The following UTP20 variants were observed in gnomAD, a reference collection of about 807,000 sequenced individuals.
UTP20 encodes the protein small subunit processome component 20 homolog.
In UTP20, 164 loss-of-function variants were observed where a neutral mutation model predicts 329.5. The observed-to-expected ratio is 0.50, with a 90% CI of 0.44 to 0.57. UTP20 has a LOEUF of 0.57. Ranked by LOEUF, UTP20 falls within the 20% of genes least tolerant of loss-of-function variation. The pLI is 0.00. For missense variants in UTP20, 3,055 were observed against 3,284.2 expected (o/e 0.93, Z 1.71); for synonymous variants, 1,151 against 1,159.3 (o/e 0.99, Z 0.14).
chr12:101,320,833 T>C lies in UTP20; in HGVS notation c.2830-19T>C, dbSNP rs1463608967. On this transcript the variant is annotated intron_variant, in intron 23 of 61. Transcript: ENST00000261637. ...TATGTATATATGACTTCATTAATTC[T>C]GTAAAATACTGTTCTTAGTTGTTGC... 6.3e-7 allele frequency: 1 copy of C among 1,595,282 alleles called. No homozygotes were observed. The highest frequency in any genetic ancestry group is 1.2e-5 in the South Asian group (1 of 86,864).
chr12:101,346,832 A>C (rs986031311), intron 38 of UTP20, among the ~76,000 whole-genome samples: 2 of 152,194 alleles, frequency 1.3e-5, no homozygotes, highest in South Asian at 2.1e-4. Context: ...TTCCTCCTAG[A>C]AATTATCCCA....
Position 101,327,165 on chromosome 12 carries a change from G to C in UTP20, c.3126G>C (p.Leu1042=), listed in dbSNP as rs1414643344. ...SASGTRMAIV[L]RFLAGTQPEE... is the part of the protein sequence containing the mutation. ...CAGGCACCCGCATGGCCATTGTCCT[G>C]CGGTTCCTGGCCGGGACCCAACCTG... Residue 1042 remains leucine (L), a synonymous_variant, in exon 26 of 62, where the codon CTG becomes CTC. Coordinates refer to ENST00000261637, the MANE Select transcript of UTP20 (RefSeq NM_014503.3). The C allele has an allele frequency of 8.1e-6, 13 of 1,613,212 alleles. No individual in the cohort carries two copies. The highest frequency in any genetic ancestry group is 1.0e-5 in the Non-Finnish European group (12 of 1,179,220).
chr12:101,379,944 C>T (rs1259881839), intron 57 of UTP20, among the ~76,000 whole-genome samples: 1 of 151,996 alleles, frequency 6.6e-6, no homozygotes, highest in East Asian at 1.9e-4. Flanking sequence ...CTCAGCCTCC[C>T]GGGTACCTGG....
chr12:101,330,937 T>G (rs999371179), intron 27 of UTP20, among the ~76,000 whole-genome samples: 1 of 152,242 alleles, frequency 6.6e-6, no homozygotes, highest in Admixed American at 6.5e-5. Context: ...TGCACAGTAG[T>G]TTTGCTTAAG....
At chr12:101,293,916 A>G (rs963379740) in intron 11 of UTP20, among the ~76,000 whole-genome samples, 1 of 152,040 alleles carries the variant, frequency 6.6e-6, no homozygotes, top group African/African-American at 2.4e-5. Flanking sequence ...TTATCCAAAT[A>G]CTGCTTACAC....
chr12:101,354,888 G>A lies in UTP20; in HGVS notation c.5164G>A (p.Asp1722Asn), dbSNP rs1869664790. Reference protein sequence around the residue: ...EPEAMELERVDEEEKEYTCKS... With the variant: ...EPEAMELERVNEEEKEYTCKS... ...TGAGGCCATGGAATTAGAGCGTGTG[G>A]ATGAGGAAGAGAAGGAATATACATG... Residue 1722 changes from aspartate (D) to asparagine (N), a missense_variant, in exon 41 of 62, where the codon GAT becomes AAT. By Grantham distance (23) the Asp-to-Asn change is conservative. Coordinates refer to ENST00000261637, the MANE Select transcript of UTP20 (RefSeq NM_014503.3). The A allele has an allele frequency of 6.2e-7, 1 of 1,614,206 alleles. No homozygotes were observed. The highest frequency in any genetic ancestry group is 8.5e-7 in the Non-Finnish European group (1 of 1,180,042).
At chr12:101,368,377 C>T (rs556781743) in intron 48 of UTP20, among the ~76,000 whole-genome samples, 1 of 152,178 alleles carries the variant, frequency 6.6e-6, no homozygotes, top group Non-Finnish European at 1.5e-5. Flanking sequence ...AGATGATCCA[C>T]CCTCCTTGGC....
chr12:101,352,393 A>T (rs1869559029), intron 39 of UTP20, among the ~76,000 whole-genome samples, 199 bp downstream of exon 39: 1 of 152,162 alleles, frequency 6.6e-6, no homozygotes, highest in South Asian at 2.1e-4. Flanking sequence ...AGCATGATTT[A>T]TAGTCCTTTG....
Position 101,354,821 on chromosome 12 carries a change from A to T in UTP20, c.5108-11A>T. ...TGCTTTAAGGTGACTTTTGTTGTTT[A>T]TTAAACATAGACGCAATTGAAGCAA... On this transcript the variant is annotated splice_polypyrimidine_tract_variant and intron_variant, in intron 40 of 61. Coordinates refer to ENST00000261637, the MANE Select transcript of UTP20 (RefSeq NM_014503.3). The T allele has an allele frequency of 1.2e-6, 2 of 1,608,022 alleles. No homozygotes were observed. Among genetic ancestry groups the T allele is most frequent in the Non-Finnish European group, 1.7e-6 (2 of 1,177,040 alleles).
chr12:101,293,323 A>G (rs1461238086), intron 11 of UTP20, 78 bp downstream of exon 11: 1 of 1,369,822 alleles, frequency 7.3e-7, no homozygotes, highest in East Asian at 2.3e-5. Flanking sequence ...AAATCCTGTT[A>G]TTTCTGTTTG....
chr12:101,340,483 T>G, intron 31 of UTP20, 40 bp from the exon 32 acceptor site: 2 of 1,264,286 alleles, frequency 1.6e-6, no homozygotes, highest in Non-Finnish European at 2.3e-6. Context: ...AGAAATATCC[T>G]TGTATATGTT....
chr12:101,349,360 C>T (rs372210335), intron 38 of UTP20, among the ~76,000 whole-genome samples: 1 of 148,094 alleles, frequency 6.8e-6, no homozygotes. Context: ...CATTGACCTT[C>T]TTGAATATGT....
intron 38 of UTP20, among the ~76,000 whole-genome samples, chr12:101,349,940 G>C (rs1294574949): frequency 6.6e-6 from 1 of 150,822 alleles, no homozygotes. Flanking sequence ...CTGTCTTCAG[G>C]TTCACTAATC....
intron 25 of UTP20, among the ~76,000 whole-genome samples, 199 bp downstream of exon 25, chr12:101,321,828 T>C (rs1454652432): frequency 6.6e-6 from 1 of 151,700 alleles, no homozygotes; most frequent in African/African-American, 2.4e-5. Flanking sequence ...CATTGCAGCC[T>C]AGACCTCCCA....
At chr12:101,292,646 A>C (rs1305830129) in intron 10 of UTP20, among the ~76,000 whole-genome samples, 1 of 152,170 alleles carries the variant, frequency 6.6e-6, no homozygotes, top group East Asian at 1.9e-4. Context: ...AAATACTAAG[A>C]GAGGGAACAG....
intron 49 of UTP20, 104 bp downstream of exon 49, chr12:101,369,995 C>T: frequency 1.7e-6 from 2 of 1,170,304 alleles, no homozygotes; most frequent in Non-Finnish European, 2.4e-6. Flanking sequence ...GGGAGGATTA[C>T]TTGAGCCTAA....
At chr12:101,362,150 C>T (rs1869947884) in intron 44 of UTP20, 90 bp downstream of exon 44, 1 of 943,226 alleles carries the variant, frequency 1.1e-6, no homozygotes, top group Non-Finnish European at 1.6e-6. Flanking sequence ...TAATAATAGC[C>T]CATAAAAATG....
intron 38 of UTP20, 93 bp from the exon 39 acceptor site, chr12:101,351,962 G>A: frequency 1.4e-6 from 2 of 1,450,374 alleles, no homozygotes; most frequent in South Asian, 1.2e-5. Flanking sequence ...TGTAATTACT[G>A]AGAACTTACT....
At position 101,383,074 on chromosome 12, in the gene UTP20, T is replaced by C; in HGVS notation, c.7690T>C (p.Leu2564=). ...VKNLLFAAKV[L]YLLELYCEDK... is the part of the protein sequence containing the mutation. ...GAATTTGTTGTTCGCAGCCAAAGTC[T>C]TGTATTTACTGGAACTTTATTGTGA... is the stretch of plus-strand genomic sequence containing the variant. The change falls in exon 59 of 62, where the codon TTG becomes CTG. Residue 2564 remains leucine (L), a synonymous_variant. Coordinates refer to ENST00000261637, the MANE Select transcript of UTP20 (RefSeq NM_014503.3). 1 of 1,609,622 alleles carries C rather than the reference T, an allele frequency of 6.2e-7. No individual in the cohort carries two copies. Among genetic ancestry groups the C allele is most frequent in the Non-Finnish European group, 8.5e-7 (1 of 1,178,876 alleles).
Sources: allele counts gnomAD v4.1 joint callset (sites outside exome capture counted in the v4.1 genomes callset), GRCh38; gene constraint gnomAD v4.1.1; transcripts MANE v1.5; gene names NCBI Gene and HGNC (gene_info 2026-07-23, HGNC 2026-07-21).